Variants in C13orf42 observed in about 807,000 individuals in gnomAD.
C13orf42 encodes the protein uncharacterized protein C13orf42.
chr13:51,122,557 G>C (rs1334834280), intron 1 of C13orf42, among the ~76,000 whole-genome samples: 1 of 149,320 alleles, frequency 6.7e-6, no homozygotes, highest in Non-Finnish European at 1.5e-5. Context: ...AAAAAAGAAA[G>C]AAAAAAAGGA....
At chr13:51,165,588 C>T (rs372024126) in intron 1 of C13orf42, among the ~76,000 whole-genome samples, 8 of 152,244 alleles carry the variant, frequency 5.3e-5, no homozygotes, top group Non-Finnish European at 8.8e-5. Context: ...TAAGAAGATG[C>T]GGACCCCAGG....
chr13:51,151,095 G>A (rs1234992010), intron 1 of C13orf42, among the ~76,000 whole-genome samples: 3 of 152,162 alleles, frequency 2.0e-5, no homozygotes, highest in African/African-American at 4.8e-5. Context: ...AGCCCCTAAA[G>A]ACGTCCACAC....
chr13:51,155,685 C>A (rs1245592285), intron 1 of C13orf42, among the ~76,000 whole-genome samples: 2 of 152,228 alleles, frequency 1.3e-5, no homozygotes, highest in African/African-American at 4.8e-5. Flanking sequence ...TCCAAGTGGA[C>A]AAGATGGAAA....
intron 1 of C13orf42, among the ~76,000 whole-genome samples, chr13:51,156,398 A>G (rs971398889): frequency 1.4e-4 from 22 of 152,226 alleles, no homozygotes; most frequent in African/African-American, 5.3e-4. Flanking sequence ...ACTCTGTGAT[A>G]CATAGCTGCC....
chr13:51,136,323 C>T (rs1387654144), intron 1 of C13orf42, among the ~76,000 whole-genome samples: 2 of 152,126 alleles, frequency 1.3e-5, no homozygotes, highest in Admixed American at 6.5e-5. Context: ...GCAAGGTGAA[C>T]CCAGGTCAAC....
At position 51,171,920 on chromosome 13, in the gene C13orf42, T is replaced by C. The variant is rs980965941; in HGVS notation, n.136+333A>G. The C allele has an allele frequency of 2.6e-4, 40 of 152,180 alleles. No individual in the cohort carries two copies. In the East Asian group the frequency reaches 6.4e-3, roughly 24 times the overall value. The allele number at this position is 152,180 out of a possible 1,614,324, so 9.4% of individuals were successfully genotyped here. On this transcript the variant is annotated intron_variant and non_coding_transcript_variant, in intron 1 of 4. Transcript: ENST00000433280. ...ATTTTATTACCCAATCTGCTCCCGATATTAAATAAAACTCCAAAAATTAAA... is the reference window on the plus strand; with the variant it reads ...ATTTTATTACCCAATCTGCTCCCGACATTAAATAAAACTCCAAAAATTAAA...
At chr13:51,104,034 A>C (rs1428139590) in intron 1 of C13orf42, among the ~76,000 whole-genome samples, 1 of 152,224 alleles carries the variant, frequency 6.6e-6, no homozygotes, top group African/African-American at 2.4e-5. Flanking sequence ...TGGTAATATT[A>C]AAATATTTTA....
At chr13:51,153,824 G>A (rs1354917858) in intron 1 of C13orf42, among the ~76,000 whole-genome samples, 1 of 151,542 alleles carries the variant, frequency 6.6e-6, no homozygotes, top group Non-Finnish European at 1.5e-5. Context: ...AGTAGAGAAA[G>A]GATTTCGCCA....
chr13:51,153,642 T>C (rs1261728360), intron 1 of C13orf42, among the ~76,000 whole-genome samples: 2 of 135,962 alleles, frequency 1.5e-5, no homozygotes, highest in South Asian at 2.6e-4. Flanking sequence ...TTTTTTTTTT[T>C]TTTTTTTTTT....
chr13:51,167,856 G>A (rs375944611), intron 1 of C13orf42, among the ~76,000 whole-genome samples: 1 of 152,174 alleles, frequency 6.6e-6, no homozygotes, highest in African/African-American at 2.4e-5. Context: ...CCAGGCTTTG[G>A]TTGTATTGTA....
At chr13:51,114,633 T>C (rs1953468006), upstream of C13orf42, among the ~76,000 whole-genome samples, 1 of 99,686 alleles carries the variant, frequency 1.0e-5, no homozygotes. Flanking sequence ...GATAGATAGA[T>C]AGATAGATAG....
intron 1 of C13orf42, among the ~76,000 whole-genome samples, chr13:51,123,305 G>A (rs998911987): frequency 2.0e-5 from 3 of 152,190 alleles, no homozygotes; most frequent in Admixed American, 6.5e-5. Flanking sequence ...TCAGCTGGGG[G>A]CTCTGCTTAG....
intron 1 of C13orf42, among the ~76,000 whole-genome samples, chr13:51,146,324 C>A (rs1182758792): frequency 1.3e-5 from 2 of 152,182 alleles, no homozygotes. Context: ...TTACCCCTTT[C>A]TTCATCTGTC....
intron 1 of C13orf42, among the ~76,000 whole-genome samples, chr13:51,153,603 C>G (rs1414916004): frequency 2.7e-4 from 40 of 147,494 alleles, no homozygotes; most frequent in Admixed American, 2.7e-3. Flanking sequence ...TTGTTATCAA[C>G]CCATTTTCTT....
chr13:51,128,416 C>T (rs780390007), intron 1 of C13orf42, among the ~76,000 whole-genome samples: 8 of 152,150 alleles, frequency 5.3e-5, no homozygotes, highest in African/African-American at 1.7e-4. Flanking sequence ...AGGAAATAGA[C>T]GGCAGCACTG....
chr13:51,128,605 G>C (rs1447395980), intron 1 of C13orf42, among the ~76,000 whole-genome samples: 2 of 152,198 alleles, frequency 1.3e-5, no homozygotes, highest in Non-Finnish European at 2.9e-5. Flanking sequence ...AGGAAGGTTA[G>C]AGTCCTTCCT....
At chr13:51,156,217 A>G (rs1566141383) in intron 1 of C13orf42, among the ~76,000 whole-genome samples, 1 of 152,172 alleles carries the variant, frequency 6.6e-6, no homozygotes, top group African/African-American at 2.4e-5. Context: ...GGGAGCAAAC[A>G]GTTTGGCTAG....
Position 51,104,651 on chromosome 13 carries a change from G to A in C13orf42, c.414+6145C>T, listed in dbSNP as rs370424332. 5.3e-5 allele frequency among the ~76,000 whole-genome samples: 8 copies of A among 151,896 alleles called. No homozygotes were observed. The East Asian group carries it at 5.8e-4, about 11-fold the overall frequency. On this transcript the variant is annotated intron_variant, in intron 1 of 3. Transcript: ENST00000563710. ...CCACACTAAAATAAAGCTTAAATTCGTAATGAAAATGTTTCCAAATTAGAT... is the reference window on the plus strand; with the variant it reads ...CCACACTAAAATAAAGCTTAAATTCATAATGAAAATGTTTCCAAATTAGAT...
Position 51,146,951 on chromosome 13 carries a change from G to C in C13orf42, n.136+25302C>G, listed in dbSNP as rs114183523. ...AAACCAGGTTCCTCAACCTGCAGTGGCCCGCTTTGATCCCCTGGTCAGTGT... is the reference window on the plus strand; with the variant it reads ...AAACCAGGTTCCTCAACCTGCAGTGCCCCGCTTTGATCCCCTGGTCAGTGT... On this transcript the variant is annotated intron_variant and non_coding_transcript_variant, in intron 1 of 4. Transcript: ENST00000433280. Among the ~76,000 whole-genome samples the C allele has an allele frequency of 9.4e-3, 1,436 of 152,308 alleles. 21 individuals carry two copies. Among genetic ancestry groups the C allele is most frequent in the African/African-American group, 0.033 (1,379 of 41,550 alleles).
Sources: gnomAD v4.1 joint callset for allele counts (sites outside exome capture counted in the v4.1 genomes callset) on GRCh38, gnomAD v4.1.1 for gene constraint, MANE v1.5 for transcripts, NCBI Gene and HGNC (gene_info 2026-07-23, HGNC 2026-07-21) for gene names.